Variants in NKIRAS2 observed in about 807,000 individuals in gnomAD.
NKIRAS2 encodes NF-kappa-B inhibitor-interacting Ras-like protein 2.
In NKIRAS2, 15 loss-of-function variants were observed where a neutral mutation model predicts 20.7. The observed-to-expected ratio is 0.73, with a 90% CI of 0.49 to 1.12. The LOEUF (loss-of-function observed/expected upper bound fraction) is 1.12. Among genes scored for constraint, NKIRAS2 ranks in the 50% most tolerant of loss-of-function variants. The probability of loss-of-function intolerance (pLI) is 0.00; values close to 1 mark genes in which losing one functional copy is unlikely to be tolerated. For missense variants in NKIRAS2, 196 were observed against 249.6 expected, an observed-to-expected ratio of 0.79 and a Z score of 1.45; for synonymous variants, 116 against 101.4, an observed-to-expected ratio of 1.14 and a Z score of -0.87.
In NKIRAS2 at chr17:42,022,039, G is replaced by A. The variant is rs35597710; in HGVS notation, c.95-360G>A. On this transcript the variant is annotated intron_variant, in intron 2 of 3. Transcript: ENST00000393885. ...AGCCTAACGAACTTGGAGAAACCCT[G>A]TCTCTACTAAAAATACAAAATTAGC... The A allele has an allele frequency of 7.0e-4, 330 of 472,846 alleles. 2 individuals carry two copies. Among genetic ancestry groups the A allele is most frequent in the African/African-American group, 5.9e-3 (302 of 50,886 alleles). 29.3% of individuals were successfully genotyped at this position (472,846 alleles called of 1,614,324 possible).
chr17:42,024,098 C>G lies in NKIRAS2; in HGVS notation c.*205C>G, dbSNP rs2052522346. ...TTGACATCCCCTTCCTCAGCCCTCC[C>G]AGCCTACTCCCCATCCCAGCTTTTA... On this transcript the variant is annotated 3_prime_UTR_variant, in exon 4 of 4. Coordinates refer to ENST00000393885, the MANE Select transcript of NKIRAS2 (RefSeq NM_017595.6). The G allele has an allele frequency of 2.9e-6, 2 of 697,522 alleles. No individual in the cohort carries two copies. The highest frequency in any genetic ancestry group is 6.2e-5 in the Admixed American group (2 of 32,392). The allele number at this position is 697,522 out of a possible 1,614,324, so 43.2% of individuals were successfully genotyped here. A position where few individuals can be genotyped will look rare whatever the true frequency, so the allele number is the denominator to read the frequency against.
At chr17:42,018,164 C>T (rs2052358086), upstream of NKIRAS2, among the ~76,000 whole-genome samples, 1 of 152,150 alleles carries the variant, frequency 6.6e-6, no homozygotes, top group South Asian at 2.1e-4. Flanking sequence ...GGGGTGAGGT[C>T]CTTGCTCTTG....
chr17:42,024,239 T>C lies in NKIRAS2; in HGVS notation c.*346T>C. ...GTCCCTTCTTGGGTCTGAGTTCCTA[T>C]TATAGGTAGGGGCCCCACCCTCTGG... is the stretch of plus-strand genomic sequence containing the variant. On this transcript the variant is annotated 3_prime_UTR_variant, in exon 4 of 4. Coordinates refer to ENST00000393885, the MANE Select transcript of NKIRAS2 (RefSeq NM_017595.6). 3.2e-6 allele frequency: 1 copy of C among 314,142 alleles called. No homozygotes were observed. Among genetic ancestry groups the C allele is most frequent in the Non-Finnish European group, 6.1e-6 (1 of 163,850 alleles). The allele number at this position is 314,142 out of a possible 1,614,324, so 19.5% of individuals were successfully genotyped here.
chr17:42,023,191 GT>G (rs1250239852), intron 3 of NKIRAS2: 4 of 248,426 alleles, frequency 1.6e-5, no homozygotes, highest in Admixed American at 4.9e-5. Flanking sequence ...TAGAGATGGG[GT>G]TTTGTCATGT....
chr17:42,022,045 A>C, intron 2 of NKIRAS2: 1 of 454,996 alleles, frequency 2.2e-6, no homozygotes, highest in Non-Finnish European at 4.2e-6. Context: ...CCCTGTCTCT[A>C]CTAAAAATAC....
chr17:42,018,507 A>C (rs1259449859), upstream of NKIRAS2: 1 of 152,204 alleles, frequency 6.6e-6, no homozygotes, highest in Non-Finnish European at 1.5e-5. Flanking sequence ...AGGGAGCTGA[A>C]ACCACAGCGA....
At chr17:42,017,816 A>G (rs1011438049), upstream of NKIRAS2, among the ~76,000 whole-genome samples, 1 of 152,168 alleles carries the variant, frequency 6.6e-6, no homozygotes, top group Admixed American at 6.5e-5. Context: ...AAGACTCTGT[A>G]GGGAAGGAGT....
Position 42,023,876 on chromosome 17 carries a change from G to T in NKIRAS2, c.559G>T (p.Gly187Cys). 1 of 1,614,110 alleles carries T rather than the reference G, an allele frequency of 6.2e-7. No individual in the cohort carries two copies. The highest frequency in any genetic ancestry group is 8.5e-7 in the Non-Finnish European group (1 of 1,179,986). ...FPLSRKNKGS[G>C]SLDG The stretch of plus-strand genomic sequence containing the variant: ...CCTCAGCCGGAAGAACAAGGGCAGC[G>T]GCTCCTTGGATGGCTGAAGAGCTGC... Residue 187 changes from glycine (G) to cysteine (C), a missense_variant, in exon 4 of 4, where the codon GGC (glycine) becomes TGC (cysteine). Transcript: ENST00000393885.
chr17:42,021,920 T>C (rs782577043), intron 2 of NKIRAS2: 6 of 677,030 alleles, frequency 8.9e-6, no homozygotes, highest in Non-Finnish European at 1.7e-5. Flanking sequence ...ATAAAATTAA[T>C]GTCCATTGGC....
In NKIRAS2 at chr17:42,023,903, G is replaced by A. The variant is rs782409706; in HGVS notation, c.*10G>A. The A allele has an allele frequency of 3.7e-6, 6 of 1,613,052 alleles. No individual in the cohort carries two copies. The highest frequency in any genetic ancestry group is 3.3e-5 in the Admixed American group (2 of 59,960). Reference sequence around the variant, plus strand: ...CTCCTTGGATGGCTGAAGAGCTGCCGTTCCTCTTTCACGATCCCAGCCCCA... The same window carrying A: ...CTCCTTGGATGGCTGAAGAGCTGCCATTCCTCTTTCACGATCCCAGCCCCA... On this transcript the variant is annotated 3_prime_UTR_variant, in exon 4 of 4. Coordinates refer to ENST00000393885, the MANE Select transcript of NKIRAS2 (RefSeq NM_017595.6).
rs537066781 is a variant in NKIRAS2, at chr17:42,025,105, A to G, written c.*1212A>G. 6.5e-6 allele frequency: 1 copy of G among 152,726 alleles called. No individual in the cohort carries two copies. Among genetic ancestry groups the G allele is most frequent in the East Asian group, 1.9e-4 (1 of 5,170 alleles). 9.5% of individuals were successfully genotyped at this position (152,726 alleles called of 1,614,324 possible). On this transcript the variant is annotated 3_prime_UTR_variant, in exon 4 of 4. Coordinates refer to ENST00000393885, the MANE Select transcript of NKIRAS2 (RefSeq NM_017595.6). The stretch of plus-strand genomic sequence containing the variant: ...TCCAGCCACCAGGGGGCAGGAGTGC[A>G]CTACCTGCTGTCAGTCACCAGAGTG...
In NKIRAS2 at chr17:42,023,959, TGA is replaced by T. The variant is rs2052519854; in HGVS notation, c.*68_*69del. 1 of 1,581,292 alleles carries T rather than the reference TGA, an allele frequency of 6.3e-7. No individual in the cohort carries two copies. The highest frequency in any genetic ancestry group is 8.6e-7 in the Non-Finnish European group (1 of 1,164,200). The stretch of plus-strand genomic sequence containing the variant: ...GTGTCTGGGGCTCTGGTAGATGTGT[TGA>T]GGGCAAAGTAGAGGACAAGCTGTCT... On this transcript the variant is annotated 3_prime_UTR_variant, in exon 4 of 4. Transcript: ENST00000393885.
chr17:42,022,428 A>G lies in NKIRAS2; in HGVS notation c.124A>G (p.Ile42Val), dbSNP rs782390028. 8 of 1,595,984 alleles carry G rather than the reference A, an allele frequency of 5.0e-6. No individual in the cohort carries two copies. In the South Asian group the frequency reaches 5.5e-5, roughly 11 times the overall value. ...GSEMIETQED[I>V]YVGSIETDRG... ...GGAGATGATCGAGACGCAGGAGGAC[A>G]TCTACGTGGGCTCCATTGAGACAGA... The change falls in exon 3 of 4, where the codon ATC becomes GTC. Residue 42 changes from isoleucine to valine, a missense_variant. Ile to Val is a conservative substitution (Grantham distance 29). Coordinates refer to ENST00000393885, the MANE Select transcript of NKIRAS2 (RefSeq NM_017595.6).
chr17:42,022,573 G>A lies in NKIRAS2; in HGVS notation c.269G>A (p.Ser90Asn). 1 of 1,614,130 alleles carries A rather than the reference G, an allele frequency of 6.2e-7. No individual in the cohort carries two copies. Among genetic ancestry groups the A allele is most frequent in the Middle Eastern group, 1.6e-4 (1 of 6,062 alleles). The change falls in exon 3 of 4, where the codon AGC becomes AAC. Residue 90 changes from serine (S) to asparagine (N), a missense_variant. Transcript: ENST00000393885. ...DGYVLVYSTD[S>N]RESFQRVELL... Reference sequence around the variant, plus strand: ...TACGTCCTGGTCTATAGCACAGATAGCAGAGAGTCTTTTCAGCGTGTGGAG... The same window carrying A: ...TACGTCCTGGTCTATAGCACAGATAACAGAGAGTCTTTTCAGCGTGTGGAG...
rs1165939787 is a variant in NKIRAS2, at chr17:42,024,931, G to A, written c.*1038G>A. 6.6e-6 allele frequency: 1 copy of A among 152,532 alleles called. No homozygotes were observed. Among genetic ancestry groups the A allele is most frequent in the Non-Finnish European group, 1.5e-5 (1 of 68,034 alleles). 9.4% of individuals were successfully genotyped at this position (152,532 alleles called of 1,614,324 possible). On this transcript the variant is annotated 3_prime_UTR_variant, in exon 4 of 4. Coordinates refer to ENST00000393885, the MANE Select transcript of NKIRAS2 (RefSeq NM_017595.6). Reference sequence around the variant, plus strand: ...CCCAGCAAGACCTTTCCCCTCTCTGGGCATCAGTTTCTCATCTGTAAGATG... The same window carrying A: ...CCCAGCAAGACCTTTCCCCTCTCTGAGCATCAGTTTCTCATCTGTAAGATG...
intron 2 of NKIRAS2, 57 bp from the exon 3 acceptor site, chr17:42,022,342 T>A (rs1555653211): frequency 1.3e-6 from 2 of 1,526,854 alleles, no homozygotes; most frequent in Non-Finnish European, 1.8e-6. Flanking sequence ...GATGCTCTCA[T>A]CACTCACATT....
intron 3 of NKIRAS2, 113 bp from the exon 4 acceptor site, chr17:42,023,541 A>G (rs1416874359): frequency 5.6e-6 from 5 of 897,938 alleles, no homozygotes; most frequent in South Asian, 4.9e-5. Flanking sequence ...AAGAGATGAG[A>G]TATCAGCCAT....
chr17:42,019,670 T>A (rs2052393791), upstream of NKIRAS2, among the ~76,000 whole-genome samples: 1 of 152,230 alleles, frequency 6.6e-6, no homozygotes, highest in East Asian at 1.9e-4. Flanking sequence ...AATGCCCTTT[T>A]GCTGTGCTCC....
chr17:42,019,283 A>G (rs2052386556), upstream of NKIRAS2, among the ~76,000 whole-genome samples: 1 of 151,504 alleles, frequency 6.6e-6, no homozygotes, highest in African/African-American at 2.4e-5. Flanking sequence ...AAAAACGGCA[A>G]CAACAACAAC....
Sources: gnomAD v4.1 joint callset for allele counts (sites outside exome capture counted in the v4.1 genomes callset) on GRCh38, gnomAD v4.1.1 for gene constraint, MANE v1.5 for transcripts, NCBI Gene and HGNC (gene_info 2026-07-23, HGNC 2026-07-21) for gene names.